PPM1B: variants seen among roughly 807,000 people sequenced by gnomAD.
PPM1B encodes the protein protein phosphatase, Mg2+/Mn2+ dependent 1B, also known as protein phosphatase 1B.
In PPM1B, 22 loss-of-function variants were observed where a neutral mutation model predicts 43.0. The observed-to-expected ratio is 0.51, with a 90% confidence interval of 0.37 to 0.73. PPM1B has a LOEUF of 0.73. PPM1B is among the 30% of genes least tolerant of loss of function. The probability of loss-of-function intolerance (pLI) is 0.00; values close to 1 mark genes in which losing one functional copy is unlikely to be tolerated. For synonymous variants in PPM1B, 217 were observed against 197.9 expected, an observed-to-expected ratio of 1.10 and a Z score of -0.81; for missense variants, 632 against 584.2, an observed-to-expected ratio of 1.08 and a Z score of -0.84.
intron 5 of PPM1B, among the ~76,000 whole-genome samples, chr2:44,219,508 G>C (rs1217081801): frequency 6.6e-6 from 1 of 151,822 alleles, no homozygotes; most frequent in Non-Finnish European, 1.5e-5. Flanking sequence ...AGTTATCCTG[G>C]CAAAAAGGAA....
At chr2:44,223,716 T>C (rs1157526040) in intron 5 of PPM1B, among the ~76,000 whole-genome samples, 1 of 145,568 alleles carries the variant, frequency 6.9e-6, no homozygotes, top group Admixed American at 7.2e-5. Context: ...CTCGGGAGGT[T>C]GGGGCAGGAG....
At chr2:44,188,040 G>A (rs1412211273) in intron 1 of PPM1B, among the ~76,000 whole-genome samples, 12 of 152,040 alleles carry the variant, frequency 7.9e-5, no homozygotes, top group South Asian at 4.1e-4. Flanking sequence ...GTGAGACACC[G>A]CACCCAGCCT....
chr2:44,216,258 G>C (rs527520970), intron 3 of PPM1B, among the ~76,000 whole-genome samples: 3 of 152,240 alleles, frequency 2.0e-5, no homozygotes. Context: ...AAAATGTCTG[G>C]TGACATTTTT....
At chr2:44,225,052 A>G (rs1306780302) in intron 5 of PPM1B, among the ~76,000 whole-genome samples, 1 of 152,170 alleles carries the variant, frequency 6.6e-6, no homozygotes, top group East Asian at 1.9e-4. Flanking sequence ...ATTTACTAAG[A>G]TTGTCACCGT....
intron 1 of PPM1B, among the ~76,000 whole-genome samples, chr2:44,172,446 A>G (rs1667392580): frequency 6.6e-6 from 1 of 152,244 alleles, no homozygotes; most frequent in Non-Finnish European, 1.5e-5. Flanking sequence ...GACAGAACTG[A>G]TCATCAGCTT....
chr2:44,219,089 A>G (rs112255524), intron 5 of PPM1B: 16 of 193,830 alleles, frequency 8.3e-5, no homozygotes, highest in African/African-American at 2.4e-4. Flanking sequence ...GCAAGACTCT[A>G]TGCCCTTACC....
At chr2:44,234,528 A>G (rs1186453979), downstream of PPM1B, 33 of 969,500 alleles carry the variant, frequency 3.4e-5, no homozygotes, top group Admixed American at 6.3e-5. Context: ...AAAAAAAAAA[A>G]AAAAGAAAAA....
chr2:44,201,951 A>T lies in PPM1B; in HGVS notation c.752A>T (p.Asn251Ile). ...GATGGGATCTGGGATGTTATGAGTA[A>T]TGAGGAGCTCTGTGAATATGTTAAA... is the stretch of plus-strand genomic sequence containing the variant. Reference protein sequence around the residue: ...ACDGIWDVMSNEELCEYVKSR... With the variant: ...ACDGIWDVMSIEELCEYVKSR... The change falls in exon 2 of 6, where the codon AAT (asparagine) becomes ATT (isoleucine). Residue 251 changes from asparagine to isoleucine, a missense_variant. This residue lies in a region of PPM1B where 392 missense variants were observed against 302.7 expected (regional missense o/e 1.29). Coordinates refer to ENST00000282412, the MANE Select transcript of PPM1B (RefSeq NM_002706.6). This position sits in a 1 kb window ranked among gnomAD's most constrained non-coding sequence, Gnocchi z 5.4. The T allele has an allele frequency of 6.2e-7, 1 of 1,614,146 alleles. No homozygotes were observed. The highest frequency in any genetic ancestry group is 1.7e-5 in the Admixed American group (1 of 60,008).
chr2:44,240,486 G>A (rs749061090), intron 5 of PPM1B, among the ~76,000 whole-genome samples: 1 of 145,154 alleles, frequency 6.9e-6, no homozygotes, highest in Non-Finnish European at 1.5e-5. Flanking sequence ...TCAGCAGAGA[G>A]TAGATTCTGT....
chr2:44,243,508 G>C (rs1670794596), intron 5 of PPM1B, among the ~76,000 whole-genome samples: 1 of 151,972 alleles, frequency 6.6e-6, no homozygotes, highest in African/African-American at 2.4e-5. Context: ...TTGGCCTTTT[G>C]AATATTTGTA....
At chr2:44,239,124 CA>C (rs1199325983), downstream of PPM1B, among the ~76,000 whole-genome samples, 1 of 118,740 alleles carries the variant, frequency 8.4e-6, no homozygotes, top group Non-Finnish European at 1.6e-5. Context: ...CAGTGAGCTA[CA>C]AATGGATCAC....
intron 1 of PPM1B, among the ~76,000 whole-genome samples, chr2:44,174,334 C>G (rs1213543783): frequency 6.6e-6 from 1 of 152,154 alleles, no homozygotes; most frequent in Non-Finnish European, 1.5e-5. Context: ...GACAGACAAA[C>G]TTTGGAAGCC....
chr2:44,194,675 A>T, intron 1 of PPM1B, among the ~76,000 whole-genome samples: 1 of 151,780 alleles, frequency 6.6e-6, no homozygotes. Flanking sequence ...GTGAGCCGAG[A>T]TCGCGCTACT....
At chr2:44,191,274 A>C (rs548794223) in intron 1 of PPM1B, among the ~76,000 whole-genome samples, 2 of 151,934 alleles carry the variant, frequency 1.3e-5, no homozygotes, top group Admixed American at 6.6e-5. Context: ...AGTGCAGTGG[A>C]GTGATCTCGG....
chr2:44,221,189 TATTATC>T (rs1402124441), intron 5 of PPM1B, among the ~76,000 whole-genome samples: 1 of 152,232 alleles, frequency 6.6e-6, no homozygotes, highest in Non-Finnish European at 1.5e-5. Context: ...ACTGTAGACT[TATTATC>T]ATTACATAGA....
At chr2:44,238,440 G>T (rs973081331), downstream of PPM1B, among the ~76,000 whole-genome samples, 21 of 152,198 alleles carry the variant, frequency 1.4e-4, no homozygotes, top group Non-Finnish European at 1.5e-5. Flanking sequence ...AGTGCCTCAC[G>T]CCTGTAATCC....
At chr2:44,186,427 C>T (rs976224135) in intron 1 of PPM1B, among the ~76,000 whole-genome samples, 1 of 152,172 alleles carries the variant, frequency 6.6e-6, no homozygotes, top group African/African-American at 2.4e-5. Context: ...GGAACGCAGT[C>T]ATATCATCTC....
At chr2:44,224,825 A>G (rs1026747548) in intron 5 of PPM1B, among the ~76,000 whole-genome samples, 4 of 152,196 alleles carry the variant, frequency 2.6e-5, no homozygotes, top group Admixed American at 2.0e-4. Context: ...CTAGTGTTCT[A>G]TAGTTTTATT....
At chr2:44,179,586 G>C (rs1667759846) in intron 1 of PPM1B, among the ~76,000 whole-genome samples, 1 of 151,990 alleles carries the variant, frequency 6.6e-6, no homozygotes, top group African/African-American at 2.4e-5. Context: ...AAATCTTACA[G>C]GCATAAATAT....
Sources: gnomAD v4.1 joint callset for allele counts (sites outside exome capture counted in the v4.1 genomes callset) on GRCh38, gnomAD v4.1.1 for gene constraint, gnomAD v4.1.1 regional missense constraint, Gnocchi (gnomAD v3.1) non-coding constraint, MANE v1.5 for transcripts, NCBI Gene and HGNC (gene_info 2026-07-23, HGNC 2026-07-21) for gene names.